Variants in ARMH1 observed in about 807,000 individuals in gnomAD.
ARMH1 encodes armadillo like helical domain containing 1.
A neutral mutation model predicts 50.2 loss-of-function variants in ARMH1; 34 were observed. The ratio of observed to expected loss-of-function variants is 0.68; its 90% CI spans 0.51 to 0.90. The LOEUF is 0.90. ARMH1 is among the 40% of genes least tolerant of loss of function. The pLI is 0.00. For synonymous variants in ARMH1, 221 were observed against 224.2 expected (o/e 0.99, Z 0.13); for missense variants, 538 against 553.9 (o/e 0.97, Z 0.29).
chr1:44,701,638 G>C (rs1646085436), intron 5 of ARMH1, among the ~76,000 whole-genome samples: 1 of 152,090 alleles, frequency 6.6e-6, no homozygotes, highest in Admixed American at 6.6e-5. Flanking sequence ...GCTTTAAGAT[G>C]AACCATCAGA....
At chr1:44,699,208 C>T (rs369854743) in intron 4 of ARMH1, among the ~76,000 whole-genome samples, 10 of 145,758 alleles carry the variant, frequency 6.9e-5, no homozygotes, top group East Asian at 4.3e-4. Context: ...CGCTTGAACC[C>T]GGGAGGTGGA....
At chr1:44,678,491 G>C (rs1645206505) in intron 1 of ARMH1, among the ~76,000 whole-genome samples, 1 of 152,042 alleles carries the variant, frequency 6.6e-6, no homozygotes, top group African/African-American at 2.4e-5. Flanking sequence ...AGCAGAAGAG[G>C]GTCCATGAGA....
chr1:44,707,716 C>T (rs1486284799), intron 6 of ARMH1, among the ~76,000 whole-genome samples: 1 of 152,214 alleles, frequency 6.6e-6, no homozygotes, highest in Admixed American at 6.5e-5. Context: ...GCCACTGCAC[C>T]CAACCAAAAC....
At chr1:44,703,050 ATGT>A (rs1240136314) in intron 5 of ARMH1, among the ~76,000 whole-genome samples, 6 of 152,202 alleles carry the variant, frequency 3.9e-5, no homozygotes, top group African/African-American at 1.2e-4. Context: ...TTGAAGGACG[ATGT>A]TGTTAAATAT....
chr1:44,721,570 A>T (rs1647138938), intron 6 of ARMH1, among the ~76,000 whole-genome samples: 1 of 152,198 alleles, frequency 6.6e-6, no homozygotes, highest in African/African-American at 2.4e-5. Context: ...AAGCTAAAAA[A>T]ACATGACAGT....
rs571139467 is a variant in ARMH1 at position 44,708,642 on chromosome 1, G to A, written c.724+4469G>A. On this transcript the variant is annotated intron_variant, in intron 6 of 11. Transcript: ENST00000535358. ...TGGCATCCTCAGGACAACAGGAGGC[G>A]GAGGGGCTTAGGGGGCCTGGCGATT... Among the ~76,000 whole-genome samples the A allele has an allele frequency of 3.7e-4, 56 of 152,268 alleles. 1 individual carries two copies. The East Asian group carries it at 4.2e-3, about 12-fold the overall frequency.
At chr1:44,685,332 AG>A (rs1645434209) in intron 1 of ARMH1, among the ~76,000 whole-genome samples, 2 of 151,074 alleles carry the variant, frequency 1.3e-5, no homozygotes, top group Non-Finnish European at 3.0e-5. Context: ...TTTTCGAGAC[AG>A]GGTCTTGCTG....
rs1420610942 is a variant in ARMH1 at position 44,723,957 on chromosome 1, G to C, written c.725-165G>C. 7.4e-6 allele frequency: 6 copies of C among 810,024 alleles called. No homozygotes were observed. The East Asian group carries it at 1.5e-4, about 20-fold the overall frequency. 50.2% of individuals were successfully genotyped at this position (810,024 alleles called of 1,614,324 possible). A position where few individuals can be genotyped will look rare whatever the true frequency, so the allele number is the denominator to read the frequency against. Reference sequence around the variant, plus strand: ...CCTCCCCCTTCAGCCCCCTCCTCCTGCTCTTCAACTGAGGTTCGCCTTCCC... The same window carrying C: ...CCTCCCCCTTCAGCCCCCTCCTCCTCCTCTTCAACTGAGGTTCGCCTTCCC... On this transcript the variant is annotated intron_variant, in intron 6 of 11. Transcript: ENST00000535358.
intron 2 of ARMH1, among the ~76,000 whole-genome samples, chr1:44,691,502 G>A (rs1328947857): frequency 6.6e-6 from 1 of 151,924 alleles, no homozygotes; most frequent in Non-Finnish European, 1.5e-5. Flanking sequence ...AACACTCCTG[G>A]TTTCTCTGAT....
chr1:44,700,808 T>G, intron 4 of ARMH1, 115 bp from the exon 5 acceptor site: 1 of 885,178 alleles, frequency 1.1e-6, no homozygotes, highest in Non-Finnish European at 1.7e-6. Context: ...CAATTTTGCT[T>G]TGGTTGAACA....
chr1:44,688,853 A>G (rs1645561250), intron 1 of ARMH1, among the ~76,000 whole-genome samples: 4 of 152,260 alleles, frequency 2.6e-5, no homozygotes, highest in Admixed American at 6.5e-5. Context: ...TAATCCAACT[A>G]TGGAATGGGA....
At chr1:44,702,697 C>T (rs1339947798) in intron 5 of ARMH1, among the ~76,000 whole-genome samples, 3 of 116,962 alleles carry the variant, frequency 2.6e-5, no homozygotes, top group East Asian at 5.1e-4. Flanking sequence ...GGAGACACAG[C>T]GAGACTCCAT....
intron 6 of ARMH1, among the ~76,000 whole-genome samples, chr1:44,717,710 A>G (rs1646912075): frequency 6.6e-6 from 1 of 152,246 alleles, no homozygotes; most frequent in Admixed American, 6.5e-5. Context: ...TGTTAAATAA[A>G]TGAATGAATC....
At chr1:44,676,910 G>A (rs778338880) in intron 1 of ARMH1, among the ~76,000 whole-genome samples, 3 of 152,178 alleles carry the variant, frequency 2.0e-5, no homozygotes, top group Admixed American at 2.0e-4. Context: ...ATAAGGGAAA[G>A]AAGATAACTG....
At position 44,699,240 on chromosome 1, in the gene ARMH1, C is replaced by T. The variant is rs550295497; in HGVS notation, c.442+1011C>T. ...TGGACATTGCAGTGAGCCGAGATCG[C>T]GCCACTGCACTCTAGCCTGGGCTAC... is the stretch of plus-strand genomic sequence containing the variant. On this transcript the variant is annotated intron_variant, in intron 4 of 11. Coordinates refer to ENST00000535358, the MANE Select transcript of ARMH1 (RefSeq NM_001145636.2). 1.7e-4 allele frequency among the ~76,000 whole-genome samples: 25 copies of T among 146,532 alleles called. No individual in the cohort carries two copies. In the South Asian group the frequency reaches 1.7e-3, roughly 10 times the overall value.
chr1:44,698,385 T>C (rs1645900114), intron 4 of ARMH1, among the ~76,000 whole-genome samples, 156 bp downstream of exon 4: 1 of 152,258 alleles, frequency 6.6e-6, no homozygotes, highest in Non-Finnish European at 1.5e-5. Context: ...CCCAGATTTA[T>C]GATTCTCCTG....
chr1:44,679,508 T>C (rs557074870), intron 1 of ARMH1, among the ~76,000 whole-genome samples: 1 of 152,376 alleles, frequency 6.6e-6, no homozygotes, highest in Non-Finnish European at 1.5e-5. Flanking sequence ...TCTCCCCTTC[T>C]TGAATGCCAT....
In ARMH1 at chr1:44,683,936, T is replaced by G. The variant is rs1037812296; in HGVS notation, c.-22-5740T>G. 1.3e-5 allele frequency among the ~76,000 whole-genome samples: 2 copies of G among 152,104 alleles called. No homozygotes were observed. Among genetic ancestry groups the G allele is most frequent in the African/African-American group, 4.8e-5 (2 of 41,408 alleles). On this transcript the variant is annotated intron_variant, in intron 1 of 11. Transcript: ENST00000535358. This position sits in a 1 kb window ranked among gnomAD's most constrained non-coding sequence, Gnocchi z 4.2. The stretch of plus-strand genomic sequence containing the variant: ...GGGAGGCCAAGGTGGGAAGATAGCT[T>G]GAGGCCAGGAGTTTGAGATCAGCCT...
Position 44,701,058 on chromosome 1 carries a change from T to C in ARMH1, c.578T>C (p.Leu193Ser). 1 of 1,551,778 alleles carries C rather than the reference T, an allele frequency of 6.4e-7. No individual in the cohort carries two copies. The highest frequency in any genetic ancestry group is 8.7e-7 in the Non-Finnish European group (1 of 1,147,010). ...QNQVYKGLIA[L>S]LPCESPKAQQ... is the part of the protein sequence containing the mutation. ...CAAGTGTATAAAGGTCTAATAGCTT[T>C]GCTGCCCTGCGAGTCCCCAAAAGCC... The change falls in exon 5 of 12, where the codon TTG becomes TCG. Residue 193 changes from leucine (L) to serine (S), a missense_variant. Transcript: ENST00000535358.
Sources: gnomAD v4.1 joint callset for allele counts (sites outside exome capture counted in the v4.1 genomes callset) on GRCh38, gnomAD v4.1.1 for gene constraint, Gnocchi (gnomAD v3.1) non-coding constraint, MANE v1.5 for transcripts, NCBI Gene and HGNC (gene_info 2026-07-23, HGNC 2026-07-21) for gene names.